Variants in MET observed in about 807,000 individuals in gnomAD.
The protein encoded by MET is hepatocyte growth factor receptor.
Under a neutral mutation model 133.1 loss-of-function variants are expected in MET, and 48 were observed. The observed-to-expected ratio is 0.36, with a 90% CI of 0.29 to 0.46. The LOEUF is 0.46. MET is among the 20% of genes least tolerant of loss of function. The pLI is 1.00. For synonymous variants in MET, 628 were observed against 616.5 expected (o/e 1.02, Z -0.28); for missense variants, 1,442 against 1,695.9 (o/e 0.85, Z 2.63).
chr7:116,735,054 G>C (rs189603147), intron 3 of MET, among the ~76,000 whole-genome samples: 6 of 152,080 alleles, frequency 3.9e-5, no homozygotes, highest in African/African-American at 9.7e-5. Context: ...GATGCGAGAG[G>C]GGGTGGGGAG....
chr7:116,699,972 G>A lies in MET; in HGVS notation c.888G>A (p.Leu296=), dbSNP rs1341728679. ...SGLHSYMEMP[L]ECILTEKRKK... Reference sequence around the variant, plus strand: ...TGCATTCCTACATGGAAATGCCTCTGGAGTGTATTCTCACAGAAAAGAGAA... The same window carrying A: ...TGCATTCCTACATGGAAATGCCTCTAGAGTGTATTCTCACAGAAAAGAGAA... The change falls in exon 2 of 21, where the codon CTG becomes CTA. Residue 296 remains leucine (L), a synonymous_variant. Transcript: ENST00000397752. The A allele has an allele frequency of 9.9e-6, 16 of 1,613,958 alleles. No homozygotes were observed. Among genetic ancestry groups the A allele is most frequent in the Non-Finnish European group, 1.2e-5 (14 of 1,179,940 alleles).
At chr7:116,691,866 T>G (rs1402426825) in intron 1 of MET, among the ~76,000 whole-genome samples, 3 of 152,160 alleles carry the variant, frequency 2.0e-5, no homozygotes, top group Non-Finnish European at 4.4e-5. Context: ...AGAACAGAGT[T>G]CGTTGAAAGG....
chr7:116,796,283 T>C lies in MET; in HGVS notation c.*159T>C. On this transcript the variant is annotated 3_prime_UTR_variant, in exon 21 of 21. Coordinates refer to ENST00000397752, the MANE Select transcript of MET (RefSeq NM_000245.4). ...TTACTGGATTCTAAGGAATTTCTTA[T>C]CTGACAGAGCATCAGAACCAGAGGC... is the stretch of plus-strand genomic sequence containing the variant. 3 of 734,086 alleles carry C rather than the reference T, an allele frequency of 4.1e-6. No individual in the cohort carries two copies. The South Asian group carries it at 4.9e-5, about 12-fold the overall frequency. The allele number at this position is 734,086 out of a possible 1,614,324, so 45.5% of individuals were successfully genotyped here. A position where few individuals can be genotyped will look rare whatever the true frequency, so the allele number is the denominator to read the frequency against.
chr7:116,684,985 A>G (rs918488343), intron 1 of MET, among the ~76,000 whole-genome samples: 7 of 152,324 alleles, frequency 4.6e-5, no homozygotes, highest in Middle Eastern at 3.4e-3. Flanking sequence ...GAAGCCAATA[A>G]GGAGATGGAC....
Position 116,737,662 on chromosome 7 carries a change from G to A in MET, c.1393-2288G>A, listed in dbSNP as rs537040145. Among the ~76,000 whole-genome samples, 34 of 152,208 alleles carry A rather than the reference G, an allele frequency of 2.2e-4. No homozygotes were observed. The Middle Eastern group carries it at 0.014, about 61-fold the overall frequency. On this transcript the variant is annotated intron_variant, in intron 3 of 20. Coordinates refer to ENST00000397752, the MANE Select transcript of MET (RefSeq NM_000245.4). Reference sequence around the variant, plus strand: ...ATAAAATCTCCATTTAAAGCACTTGGCACAATATGTGACTCAGTTTCCTGT... The same window carrying A: ...ATAAAATCTCCATTTAAAGCACTTGACACAATATGTGACTCAGTTTCCTGT...
At chr7:116,712,107 C>T (rs945576045) in intron 2 of MET, among the ~76,000 whole-genome samples, 4 of 152,194 alleles carry the variant, frequency 2.6e-5, no homozygotes, top group Non-Finnish European at 5.9e-5. Context: ...TCTTGTAGTT[C>T]CCAGAATCCA....
intron 18 of MET, among the ~76,000 whole-genome samples, chr7:116,782,410 T>A (rs1176786648): frequency 6.6e-6 from 1 of 152,214 alleles, no homozygotes; most frequent in Non-Finnish European, 1.5e-5. Context: ...GAGGGAGAAT[T>A]TGATCTTCAG....
chr7:116,689,550 G>A (rs916272656), intron 1 of MET, among the ~76,000 whole-genome samples: 3 of 148,382 alleles, frequency 2.0e-5, no homozygotes, highest in African/African-American at 7.5e-5. Context: ...GTTGGGATAT[G>A]GGCTTACTCT....
chr7:116,689,559 C>CTTTTTTTTTTTT (rs534819031), intron 1 of MET, among the ~76,000 whole-genome samples: 3 of 94,774 alleles, frequency 3.2e-5, no homozygotes, highest in African/African-American at 1.3e-4. Context: ...TGGGCTTACT[C>CTTTTTTTTTTTT]TTTTTTTTTT....
At position 116,740,864 on chromosome 7, in the gene MET, C is replaced by T. The variant is rs756526057; in HGVS notation, c.1540C>T (p.Pro514Ser). The T allele has an allele frequency of 1.2e-6, 2 of 1,613,966 alleles. No individual in the cohort carries two copies. Among genetic ancestry groups the T allele is most frequent in the African/African-American group, 2.7e-5 (2 of 74,904 alleles). The change falls in exon 5 of 21, where the codon CCA becomes TCA. Residue 514 changes from proline to serine, a missense_variant. Physicochemically the swap from Pro to Ser is moderately conservative, Grantham distance 74. This residue lies in a region of MET where 762 missense variants were observed against 792.4 expected (regional missense o/e 0.96). Coordinates refer to ENST00000397752, the MANE Select transcript of MET (RefSeq NM_000245.4). ...VITGKKITKI[P>S]LNGLGCRHFQ... ...CTTCTCTTCACAGATCACGAAGATC[C>T]CATTGAATGGCTTGGGCTGCAGACA...
chr7:116,768,957 T>C (rs1008336231), intron 11 of MET, among the ~76,000 whole-genome samples: 6 of 152,232 alleles, frequency 3.9e-5, no homozygotes, highest in Admixed American at 3.9e-4. Flanking sequence ...TGTGTAACTA[T>C]GTAATTGTTC....
At chr7:116,691,922 T>G (rs1796791865) in intron 1 of MET, among the ~76,000 whole-genome samples, 1 of 152,168 alleles carries the variant, frequency 6.6e-6, no homozygotes, top group Non-Finnish European at 1.5e-5. Flanking sequence ...ATGTAGACCA[T>G]GTGATTGACA....
rs760722037 is a variant in MET at position 116,769,746 on chromosome 7, G to A, written c.2685G>A (p.Thr895=). The A allele has an allele frequency of 6.2e-6, 10 of 1,613,516 alleles. No individual in the cohort carries two copies. The highest frequency in any genetic ancestry group is 1.7e-5 in the Admixed American group (1 of 59,922). The change falls in exon 12 of 21, where the codon ACG becomes ACA. Residue 895 remains threonine, a synonymous_variant. Coordinates refer to ENST00000397752, the MANE Select transcript of MET (RefSeq NM_000245.4). The part of the protein sequence containing the change: ...IHLHSEAVLC[T]VPNDLLKLNS... ...TACATTCTGAAGCCGTTTTATGCAC[G>A]GTCCCCAATGACCTGCTGAAATTGA...
chr7:116,741,060 G>A (rs773307293), intron 5 of MET, 35 bp downstream of exon 5: 2 of 1,359,548 alleles, frequency 1.5e-6, no homozygotes. Context: ...ACATGTTTTT[G>A]TTTGGTGTTT....
At chr7:116,722,833 G>A (rs1325911075) in intron 2 of MET, among the ~76,000 whole-genome samples, 10 of 151,870 alleles carry the variant, frequency 6.6e-5, no homozygotes, top group South Asian at 4.2e-4. Context: ...GGCTTGTAGG[G>A]TTTCTGCCAA....
chr7:116,773,995 A>G (rs1323410809), intron 14 of MET, among the ~76,000 whole-genome samples: 1 of 152,150 alleles, frequency 6.6e-6, no homozygotes, highest in Non-Finnish European at 1.5e-5. Context: ...AATACATTTC[A>G]ATACTATGCC....
intron 2 of MET, among the ~76,000 whole-genome samples, chr7:116,718,271 C>A (rs1792323797): frequency 6.6e-6 from 1 of 152,022 alleles, no homozygotes; most frequent in African/African-American, 2.4e-5. Flanking sequence ...CACCTGTAGT[C>A]TCAGCTATTC....
intron 1 of MET, among the ~76,000 whole-genome samples, chr7:116,675,085 A>C (rs1347821032): frequency 6.6e-6 from 1 of 152,244 alleles, no homozygotes; most frequent in African/African-American, 2.4e-5. Context: ...TGCTCAGTGC[A>C]AAATAAATAG....
chr7:116,779,469 C>A (rs984187930), intron 17 of MET, among the ~76,000 whole-genome samples: 8 of 152,200 alleles, frequency 5.3e-5, no homozygotes, highest in Non-Finnish European at 1.2e-4. Context: ...CAGCTTTTGG[C>A]CGTAATGCCA....
Sources: allele counts gnomAD v4.1 joint callset (sites outside exome capture counted in the v4.1 genomes callset), GRCh38; gene constraint gnomAD v4.1.1; regional missense constraint gnomAD v4.1.1; transcripts MANE v1.5; gene names NCBI Gene and HGNC (gene_info 2026-07-23, HGNC 2026-07-21).